VPS53: variants seen among roughly 807,000 people sequenced by gnomAD.
VPS53 encodes the protein VPS53 subunit of GARP complex, also known as vacuolar protein sorting-associated protein 53 homolog.
VPS53 carries 70 observed loss-of-function variants against 107.0 expected under a neutral mutation model. The observed-to-expected ratio is 0.65, with a 90% CI of 0.54 to 0.80. The LOEUF (loss-of-function observed/expected upper bound fraction) is 0.80. VPS53 is among the 30% of genes least tolerant of loss of function. The pLI, the probability that VPS53 is intolerant of heterozygous loss-of-function variation, is 0.00. For missense variants in VPS53, 917 were observed against 1,049.4 expected (o/e 0.87, Z 1.74); for synonymous variants, 409 against 393.3 (o/e 1.04, Z -0.47).
intron 4 of VPS53, among the ~76,000 whole-genome samples, chr17:666,720 C>A (rs1206740802): frequency 1.3e-5 from 2 of 151,550 alleles, no homozygotes; most frequent in South Asian, 2.1e-4. Context: ...GAGTTTGTGA[C>A]CAGCCTGACC....
intron 11 of VPS53, among the ~76,000 whole-genome samples, chr17:607,900 A>G (rs1436399067): frequency 6.6e-6 from 1 of 152,174 alleles, no homozygotes. Flanking sequence ...TTCAGTCAGC[A>G]GTACATCCGT....
chr17:681,079 T>C (rs1972375165), intron 4 of VPS53, among the ~76,000 whole-genome samples: 1 of 152,246 alleles, frequency 6.6e-6, no homozygotes, highest in Non-Finnish European at 1.5e-5. Context: ...TACATGTTTT[T>C]TGAAAAATAA....
chr17:586,979 T>C (rs1597345178), intron 12 of VPS53, among the ~76,000 whole-genome samples: 1 of 152,100 alleles, frequency 6.6e-6, no homozygotes, highest in African/African-American at 2.4e-5. Context: ...AAAAGAAGAA[T>C]GGACAACCAA....
intron 7 of VPS53, chr17:632,775 G>A (rs1229731235): frequency 4.4e-6 from 2 of 456,184 alleles, no homozygotes; most frequent in South Asian, 1.5e-5. Context: ...CTGTCTTCCC[G>A]TGTCTGGCTT....
In VPS53 at chr17:560,456, C is replaced by T. The variant is rs7217779; in HGVS notation, c.1674G>A (p.Thr558=). 957 of 1,612,620 alleles carry T rather than the reference C, an allele frequency of 5.9e-4. 7 individuals are homozygous for T. The African/African-American group carries it at 8.3e-3, about 14-fold the overall frequency. The stretch of plus-strand genomic sequence containing the variant: ...GGGTGGTGGCCAGACAGTACTCTGC[C>T]GTGCTCAGGATGTTACAGATGAGGC... The part of the protein sequence containing the change: ...ELCLICNILS[T]AEYCLATTQQ... The change falls in exon 15 of 22, where the codon ACG becomes ACA. Residue 558 remains threonine (T), a synonymous_variant. Coordinates refer to ENST00000437048, the MANE Select transcript of VPS53 (RefSeq NM_001128159.3).
chr17:640,977 C>G (rs1970404250), intron 7 of VPS53, among the ~76,000 whole-genome samples: 1 of 152,108 alleles, frequency 6.6e-6, no homozygotes, highest in African/African-American at 2.4e-5. Flanking sequence ...GCCTCAGCTT[C>G]CCAAGTAGCT....
At chr17:707,372 A>C (rs374973915) in intron 2 of VPS53, among the ~76,000 whole-genome samples, 1 of 151,968 alleles carries the variant, frequency 6.6e-6, no homozygotes, top group South Asian at 2.1e-4. Context: ...AAATACAAAA[A>C]TTAGCCGCGT....
At chr17:552,321 GGTTGATGTGAAA>G (rs1174590942) in intron 16 of VPS53, among the ~76,000 whole-genome samples, 58 of 138,496 alleles carry the variant, frequency 4.2e-4, no homozygotes, top group African/African-American at 1.3e-3. Flanking sequence ...GTCAATAAGT[GGTTGATGTGAAA>G]GCTGAGAATT....
chr17:674,295 C>G (rs780808342), intron 4 of VPS53: 4 of 152,176 alleles, frequency 2.6e-5, no homozygotes, highest in Non-Finnish European at 4.4e-5. Context: ...TTGCCAAGTT[C>G]GAGGTTATTG....
chr17:677,263 C>T (rs1182747884), intron 4 of VPS53, among the ~76,000 whole-genome samples: 1 of 152,186 alleles, frequency 6.6e-6, no homozygotes, highest in Non-Finnish European at 1.5e-5. Context: ...GAATATTATT[C>T]ACCCGTAAAA....
At chr17:605,377 G>T (rs1327358484) in intron 11 of VPS53, among the ~76,000 whole-genome samples, 2 of 152,188 alleles carry the variant, frequency 1.3e-5, no homozygotes, top group African/African-American at 4.8e-5. Context: ...AACTGCTCAG[G>T]CAAAACCCAA....
At chr17:557,925 T>C (rs560220746) in intron 15 of VPS53, among the ~76,000 whole-genome samples, 85 of 150,718 alleles carry the variant, frequency 5.6e-4, no homozygotes, top group Non-Finnish European at 1.1e-3. Flanking sequence ...AGTGGTGTGA[T>C]CATAGCTCAC....
intron 12 of VPS53, among the ~76,000 whole-genome samples, chr17:587,826 A>C (rs747743465): frequency 1.3e-5 from 2 of 152,142 alleles, no homozygotes; most frequent in Non-Finnish European, 2.9e-5. Flanking sequence ...TGAACTACTC[A>C]TATCTTATTT....
chr17:538,789 A>G (rs1363101588), intron 17 of VPS53: 1 of 152,262 alleles, frequency 6.6e-6, no homozygotes, highest in African/African-American at 2.4e-5. Flanking sequence ...TTACTGGGAA[A>G]AAACAGAAAC....
intron 7 of VPS53, among the ~76,000 whole-genome samples, chr17:650,339 T>G (rs1314333261): frequency 6.6e-6 from 1 of 151,134 alleles, no homozygotes; most frequent in Non-Finnish European, 1.5e-5. Context: ...TACAGAAAAA[T>G]GTTAAAAATC....
At chr17:530,934 C>T (rs1909491212) in intron 19 of VPS53, among the ~76,000 whole-genome samples, 1 of 152,186 alleles carries the variant, frequency 6.6e-6, no homozygotes, top group Non-Finnish European at 1.5e-5. Flanking sequence ...AAAGCAAAAC[C>T]TAATTTAGGA....
At chr17:533,833 A>G (rs1909792957) in intron 18 of VPS53, among the ~76,000 whole-genome samples, 1 of 143,320 alleles carries the variant, frequency 7.0e-6, no homozygotes, top group South Asian at 2.4e-4. Context: ...CACATTGAGT[A>G]AATCATAAAC....
Position 521,675 on chromosome 17 carries a change from C to T in VPS53, c.2149G>A (p.Val717Met), listed in dbSNP as rs538748691. ...LLDLPSISSQ[V>M]VRKAPASYTK... The stretch of plus-strand genomic sequence containing the variant: ...TAGCTGGCGGGTGCCTTCCTCACCA[C>T]CTGCGAGCTGATGGAGGGGAGATCG... Residue 717 changes from valine (V) to methionine (M), a missense_variant, in exon 20 of 22, where the codon GTG becomes ATG. By Grantham distance (21) the Val-to-Met change is conservative (BLOSUM62 1). Coordinates refer to ENST00000437048, the MANE Select transcript of VPS53 (RefSeq NM_001128159.3). 72 of 1,550,714 alleles carry T rather than the reference C, an allele frequency of 4.6e-5. No individual in the cohort carries two copies. Among genetic ancestry groups the T allele is most frequent in the Admixed American group, 2.4e-4 (12 of 50,924 alleles).
intron 17 of VPS53, among the ~76,000 whole-genome samples, chr17:549,492 G>A (rs1911611092): frequency 6.6e-6 from 1 of 152,106 alleles, no homozygotes. Context: ...GGGTGGGACG[G>A]GGCAGGGTTT....
Sources: gnomAD v4.1 joint callset for allele counts (sites outside exome capture counted in the v4.1 genomes callset) on GRCh38, gnomAD v4.1.1 for gene constraint, MANE v1.5 for transcripts, NCBI Gene and HGNC (gene_info 2026-07-23, HGNC 2026-07-21) for gene names.